Variants in GEMIN5 observed in about 807,000 individuals in gnomAD.
The protein encoded by GEMIN5 is gem nuclear organelle associated protein 5.
GEMIN5 carries 124 observed loss-of-function variants against 176.9 expected under a neutral mutation model. The observed-to-expected ratio is 0.70, with a 90% CI of 0.61 to 0.81. GEMIN5 has a LOEUF of 0.81. Ranked by LOEUF, GEMIN5 falls within the 40% of genes least tolerant of loss-of-function variation. The pLI is 0.00. For synonymous variants in GEMIN5, 673 were observed against 665.2 expected, an observed-to-expected ratio of 1.01 and a Z score of -0.18; for missense variants, 1,843 against 1,814.6, an observed-to-expected ratio of 1.02 and a Z score of -0.28.
chr5:154,930,173 C>T (rs960490613), intron 5 of GEMIN5, among the ~76,000 whole-genome samples: 1 of 152,120 alleles, frequency 6.6e-6, no homozygotes, highest in African/African-American at 2.4e-5. Context: ...TTTCTCCCAT[C>T]AAACCACTTA....
rs796093104 is a variant in GEMIN5 at position 154,905,605 on chromosome 5, T to G, written c.2396-129A>C. The G allele has an allele frequency of 1.8e-5, 8 of 433,134 alleles. 1 individual carries two copies. Among genetic ancestry groups the G allele is most frequent in the African/African-American group, 1.4e-4 (7 of 49,058 alleles). The allele number at this position is 433,134 out of a possible 1,614,324, so 26.8% of individuals were successfully genotyped here. On this transcript the variant is annotated intron_variant, in intron 16 of 27. Coordinates refer to ENST00000285873, the MANE Select transcript of GEMIN5 (RefSeq NM_015465.5). ...TCAATTCATCTATTACCAAAACTTT[T>G]GAGATAAAATGCACTGGAAAAGAAG... is the stretch of plus-strand genomic sequence containing the variant.
At chr5:154,909,146 T>TTC (rs1763639462) in intron 15 of GEMIN5, among the ~76,000 whole-genome samples, 1 of 147,406 alleles carries the variant, frequency 6.8e-6, no homozygotes, top group African/African-American at 2.5e-5. Context: ...TTTTTTTTTT[T>TTC]TTTTTTTTGT....
chr5:154,908,124 C>T (rs1376261834), intron 15 of GEMIN5, among the ~76,000 whole-genome samples: 1 of 150,724 alleles, frequency 6.6e-6, no homozygotes, highest in Non-Finnish European at 1.5e-5. Context: ...ACTACTGCCA[C>T]CTACTCCATA....
At chr5:154,910,351 A>G (rs370367272) in intron 15 of GEMIN5, among the ~76,000 whole-genome samples, 11 of 152,010 alleles carry the variant, frequency 7.2e-5, no homozygotes, top group Non-Finnish European at 1.2e-4. Context: ...GTGTCCCCCT[A>G]TGTTGTCCAG....
At chr5:154,889,128 A>C (rs942740695) in intron 27 of GEMIN5, among the ~76,000 whole-genome samples, 193 bp downstream of exon 27, 1 of 152,182 alleles carries the variant, frequency 6.6e-6, no homozygotes, top group African/African-American at 2.4e-5. Context: ...CGCCAGCCTC[A>C]GCCTCCCAAA....
intron 4 of GEMIN5, chr5:154,931,778 G>A: frequency 1.9e-6 from 1 of 517,700 alleles, no homozygotes; most frequent in Non-Finnish European, 3.4e-6. Context: ...ATTTTGGGAG[G>A]CTGAGGCAGG....
rs200476714 is a variant in GEMIN5, at chr5:154,907,627, G to A, written c.2359C>T (p.Arg787Trp). The change falls in exon 16 of 28, where the codon CGG becomes TGG. Residue 787 changes from arginine to tryptophan, a missense_variant. Physicochemically the swap from Arg to Trp is moderately radical, Grantham distance 101 (BLOSUM62 -3). Transcript: ENST00000285873. ...VSDQEGEEQA[R>W]EPELPCGLAP... ...AGGCCACAGGGTAATTCCGGCTCCC[G>A]TGCTTGCTCCTCCCCTTCTTGGTCT... The A allele has an allele frequency of 5.6e-5, 90 of 1,614,044 alleles. No individual in the cohort carries two copies. The highest frequency in any genetic ancestry group is 3.3e-4 in the East Asian group (15 of 44,866).
At chr5:154,911,039 T>C (rs544154469) in intron 15 of GEMIN5, among the ~76,000 whole-genome samples, 1 of 152,294 alleles carries the variant, frequency 6.6e-6, no homozygotes, top group African/African-American at 2.4e-5. Context: ...ATTTGGTCAG[T>C]GGGAACCTCT....
At chr5:154,930,259 G>A (rs114154166) in intron 5 of GEMIN5, among the ~76,000 whole-genome samples, 15 of 152,304 alleles carry the variant, frequency 9.8e-5, no homozygotes, top group East Asian at 3.9e-4. Context: ...ATAGGGGAAC[G>A]ACACAGCAGC....
intron 8 of GEMIN5, among the ~76,000 whole-genome samples, chr5:154,925,195 G>C (rs1182125756): frequency 6.6e-6 from 1 of 152,110 alleles, no homozygotes. Flanking sequence ...GATTCTGGAA[G>C]AATTTAGAAA....
At chr5:154,917,361 A>T (rs1265190936) in intron 12 of GEMIN5, among the ~76,000 whole-genome samples, 182 bp from the exon 13 acceptor site, 1 of 152,244 alleles carries the variant, frequency 6.6e-6, no homozygotes, top group African/African-American at 2.4e-5. Context: ...TTCTCCAAAA[A>T]GTATATTTAG....
intron 24 of GEMIN5, among the ~76,000 whole-genome samples, chr5:154,892,808 C>T (rs533269504): frequency 6.6e-6 from 1 of 152,206 alleles, no homozygotes; most frequent in South Asian, 2.1e-4. Context: ...TTAATTAAAA[C>T]AAAAAGTGGG....
chr5:154,907,627 G>T lies in GEMIN5; in HGVS notation c.2359C>A (p.Arg787=). The stretch of plus-strand genomic sequence containing the variant: ...AGGCCACAGGGTAATTCCGGCTCCC[G>T]TGCTTGCTCCTCCCCTTCTTGGTCT... ...VSDQEGEEQA[R]EPELPCGLAP... The change falls in exon 16 of 28, where the codon CGG becomes AGG. Residue 787 remains arginine, a synonymous_variant. Coordinates refer to ENST00000285873, the MANE Select transcript of GEMIN5 (RefSeq NM_015465.5). 6.2e-7 allele frequency: 1 copy of T among 1,614,046 alleles called. No individual in the cohort carries two copies. Among genetic ancestry groups the T allele is most frequent in the Non-Finnish European group, 8.5e-7 (1 of 1,179,984 alleles).
At chr5:154,912,086 C>T (rs370992380) in intron 14 of GEMIN5, among the ~76,000 whole-genome samples, 188 bp from the exon 15 acceptor site, 3 of 152,312 alleles carry the variant, frequency 2.0e-5, no homozygotes, top group South Asian at 4.1e-4. Flanking sequence ...TGAGAGACTT[C>T]TGTGCTTGGA....
rs536926964 is a variant in GEMIN5, at chr5:154,915,287, G to C, written c.1855+1711C>G. ...TAGAAAACTACTGAAGTAAATTCTA[G>C]AGAAATGAAAAATGTAACTATTTTC... On this transcript the variant is annotated intron_variant, in intron 13 of 27. Coordinates refer to ENST00000285873, the MANE Select transcript of GEMIN5 (RefSeq NM_015465.5). 3.3e-5 allele frequency among the ~76,000 whole-genome samples: 5 copies of C among 152,256 alleles called. No homozygotes were observed. In the South Asian group the frequency reaches 1.0e-3, roughly 32 times the overall value.
At chr5:154,926,106 A>G (rs554671929) in intron 7 of GEMIN5, 32 bp from the exon 8 acceptor site, 1 of 1,400,944 alleles carries the variant, frequency 7.1e-7, no homozygotes, top group South Asian at 1.2e-5. Context: ...GCCTAAACAT[A>G]AAAAAGAACA....
Position 154,892,532 on chromosome 5 carries a change from G to C in GEMIN5, c.3615C>G (p.Cys1205Trp), listed in dbSNP as rs779070608. 20 of 1,613,936 alleles carry C rather than the reference G, an allele frequency of 1.2e-5. No homozygotes were observed. Among genetic ancestry groups the C allele is most frequent in the Non-Finnish European group, 1.6e-5 (19 of 1,179,968 alleles). ...TPAKQLLLHI[C>W]HDLTLAVLSQ... The stretch of plus-strand genomic sequence containing the variant: ...TCAGCACTGCCAGGGTCAAGTCATG[G>C]CAAATGTGAAGCAGGAGCTGGAGAG... Residue 1205 changes from cysteine (C) to tryptophan (W), a missense_variant, in exon 25 of 28, where the codon TGC becomes TGG. By Grantham distance (215) the Cys-to-Trp change is radical. Transcript: ENST00000285873.
intron 16 of GEMIN5, 70 bp downstream of exon 16, chr5:154,907,521 G>C (rs1308417577): frequency 9.2e-7 from 1 of 1,091,466 alleles, no homozygotes; most frequent in African/African-American, 1.6e-5. Context: ...TTCAAACTGA[G>C]TAAGGACCTA....
intron 21 of GEMIN5, among the ~76,000 whole-genome samples, chr5:154,899,888 T>G (rs1763430203): frequency 1.3e-5 from 2 of 151,984 alleles, no homozygotes; most frequent in Admixed American, 1.3e-4. Flanking sequence ...ATGAACAAAT[T>G]ACAAGCTAAA....
Sources: gnomAD v4.1 joint callset for allele counts (sites outside exome capture counted in the v4.1 genomes callset) on GRCh38, gnomAD v4.1.1 for gene constraint, MANE v1.5 for transcripts, NCBI Gene and HGNC (gene_info 2026-07-23, HGNC 2026-07-21) for gene names.